GRID2: variants seen among roughly 807,000 people sequenced by gnomAD.
GRID2 encodes the protein glutamate receptor ionotropic, delta-2.
Under a neutral mutation model 114.8 loss-of-function variants are expected in GRID2, and 33 were observed. The observed-to-expected ratio is 0.29, with a 90% CI of 0.22 to 0.38. The LOEUF (loss-of-function observed/expected upper bound fraction) is 0.38, where lower values mean the gene tolerates loss of function less well. Among genes scored for constraint, GRID2 ranks in the 10% least tolerant of loss-of-function variants. The pLI is 1.00. For missense variants in GRID2, 1,184 were observed against 1,257.7 expected (o/e 0.94, Z 0.89); for synonymous variants, 505 against 449.9 (o/e 1.12, Z -1.55).
chr4:93,791,945 C>T (rs560650249), intron 1 of GRID2, among the ~76,000 whole-genome samples: 2 of 152,162 alleles, frequency 1.3e-5, no homozygotes, highest in Admixed American at 6.5e-5. Flanking sequence ...ATCATTTAAG[C>T]CCTTTAGGTT....
chr4:93,404,082 A>G (rs1766176148), intron 9 of GRID2, among the ~76,000 whole-genome samples: 1 of 152,176 alleles, frequency 6.6e-6, no homozygotes, highest in Non-Finnish European at 1.5e-5. Context: ...TGCAGCATGG[A>G]TGAACCTTGA....
chr4:93,142,622 G>A (rs991089463), intron 4 of GRID2, among the ~76,000 whole-genome samples: 1 of 152,140 alleles, frequency 6.6e-6, no homozygotes, highest in Admixed American at 6.5e-5. Context: ...ATCATAGAAA[G>A]TTATTTTTAA....
At chr4:92,625,602 C>A (rs1248840865) in intron 2 of GRID2, among the ~76,000 whole-genome samples, 1 of 151,808 alleles carries the variant, frequency 6.6e-6, no homozygotes, top group Non-Finnish European at 1.5e-5. Flanking sequence ...CACTTATTAA[C>A]TTTATGAACT....
intron 8 of GRID2, among the ~76,000 whole-genome samples, chr4:93,304,784 C>A (rs1313742486): frequency 6.6e-6 from 1 of 151,880 alleles, no homozygotes; most frequent in African/African-American, 2.4e-5. Flanking sequence ...AGAAGGAGTG[C>A]AACAAATAAA....
chr4:93,351,233 A>C (rs1760772571), intron 8 of GRID2, among the ~76,000 whole-genome samples: 1 of 152,072 alleles, frequency 6.6e-6, no homozygotes. Context: ...CAAGTACTTC[A>C]AACCTTCTTT....
At chr4:93,593,356 T>C (rs1488361116) in intron 13 of GRID2, among the ~76,000 whole-genome samples, 4 of 138,886 alleles carry the variant, frequency 2.9e-5, no homozygotes, top group Admixed American at 7.4e-5. Context: ...TGAAAATTCT[T>C]TTCTTTAAGA....
intron 1 of GRID2, among the ~76,000 whole-genome samples, chr4:92,494,015 A>C (rs1723271834): frequency 1.3e-5 from 2 of 152,268 alleles, no homozygotes; most frequent in African/African-American, 2.4e-5. Flanking sequence ...TCAGCTATTT[A>C]ACTATTATTT....
intron 1 of GRID2, among the ~76,000 whole-genome samples, chr4:92,342,398 T>C (rs1727540725): frequency 1.3e-5 from 2 of 152,294 alleles, no homozygotes; most frequent in South Asian, 2.1e-4. Context: ...GAGGATGTGA[T>C]CACTCTAGCT....
At chr4:93,338,162 A>G (rs774494120) in intron 8 of GRID2, among the ~76,000 whole-genome samples, 3 of 152,076 alleles carry the variant, frequency 2.0e-5, no homozygotes, top group Non-Finnish European at 4.4e-5. Context: ...TTTTGCTACA[A>G]TACATAACAG....
At chr4:92,332,354 C>A (rs1726936703) in intron 1 of GRID2, among the ~76,000 whole-genome samples, 1 of 152,028 alleles carries the variant, frequency 6.6e-6, no homozygotes, top group East Asian at 1.9e-4. Context: ...AGCATTAGAT[C>A]ATTCATGAAG....
intron 1 of GRID2, among the ~76,000 whole-genome samples, chr4:92,414,690 A>C (rs1381073993): frequency 6.6e-6 from 1 of 152,140 alleles, no homozygotes; most frequent in African/African-American, 2.4e-5. Flanking sequence ...TGTTGCCAGC[A>C]GTCATTTTCA....
chr4:92,571,391 TA>T (rs1727613075), intron 1 of GRID2, among the ~76,000 whole-genome samples: 1 of 152,098 alleles, frequency 6.6e-6, no homozygotes, highest in Non-Finnish European at 1.5e-5. Flanking sequence ...AGCAAGTCTT[TA>T]GAGACCTACA....
intron 2 of GRID2, among the ~76,000 whole-genome samples, chr4:92,886,233 G>A (rs1489956576): frequency 1.3e-5 from 2 of 152,078 alleles, no homozygotes; most frequent in Admixed American, 6.6e-5. Flanking sequence ...TCTTATATAA[G>A]CATGGTTTAT....
chr4:92,872,688 T>C (rs900120668), intron 2 of GRID2, among the ~76,000 whole-genome samples: 4 of 152,172 alleles, frequency 2.6e-5, no homozygotes, highest in African/African-American at 9.6e-5. Flanking sequence ...AAACATTTTA[T>C]AGGAAATTTG....
chr4:93,070,261 G>GGGCCA (rs1465998618), intron 2 of GRID2, among the ~76,000 whole-genome samples: 2 of 151,916 alleles, frequency 1.3e-5, no homozygotes, highest in Admixed American at 6.6e-5. Context: ...CTGCTAGCAG[G>GGGCCA]GGCCAAGCTA....
At chr4:93,804,917 T>C (rs1735001915) in intron 1 of GRID2, among the ~76,000 whole-genome samples, 1 of 152,226 alleles carries the variant, frequency 6.6e-6, no homozygotes, top group South Asian at 2.1e-4. Flanking sequence ...ATGTGGAATC[T>C]TTAGGTGGTT....
At chr4:93,492,440 A>AC (rs890286055) in intron 12 of GRID2, among the ~76,000 whole-genome samples, 7 of 151,880 alleles carry the variant, frequency 4.6e-5, no homozygotes, top group African/African-American at 1.7e-4. Context: ...GCATCATGTT[A>AC]GTTCCCACAC....
chr4:92,999,783 T>C (rs1182502531), intron 2 of GRID2, among the ~76,000 whole-genome samples: 6 of 151,596 alleles, frequency 4.0e-5, no homozygotes, highest in African/African-American at 1.5e-4. Context: ...ATTAAGAGCA[T>C]AAATTTGTTA....
intron 2 of GRID2, among the ~76,000 whole-genome samples, chr4:92,737,153 G>T (rs1294565277): frequency 6.6e-6 from 1 of 152,014 alleles, no homozygotes; most frequent in Non-Finnish European, 1.5e-5. Flanking sequence ...TGTACAGTTT[G>T]CCCTATAGAA....
Sources: gnomAD v4.1 joint callset for allele counts (sites outside exome capture counted in the v4.1 genomes callset) on GRCh38, gnomAD v4.1.1 for gene constraint, MANE v1.5 for transcripts, NCBI Gene and HGNC (gene_info 2026-07-23, HGNC 2026-07-21) for gene names.